Variants in HSDL2 observed in about 807,000 individuals in gnomAD.
The protein encoded by HSDL2 is hydroxysteroid dehydrogenase-like protein 2.
In HSDL2, 27 loss-of-function variants were observed where a neutral mutation model predicts 46.3. The observed-to-expected ratio is 0.58, with a 90% confidence interval of 0.43 to 0.80. HSDL2 has a LOEUF of 0.80. Among genes scored for constraint, HSDL2 ranks in the 30% least tolerant of loss-of-function variants. HSDL2 has a pLI of 0.00. For missense variants in HSDL2, 451 were observed against 502.7 expected, an observed-to-expected ratio of 0.90 and a Z score of 0.98; for synonymous variants, 153 against 163.6, an observed-to-expected ratio of 0.94 and a Z score of 0.50.
chr9:112,412,760 A>C (rs1402401297), intron 4 of HSDL2, among the ~76,000 whole-genome samples: 1 of 152,172 alleles, frequency 6.6e-6, no homozygotes, highest in Admixed American at 6.5e-5. Flanking sequence ...TCATTTTTCA[A>C]AAATGAAAGT....
chr9:112,395,849 C>G (rs1314018239), intron 1 of HSDL2, among the ~76,000 whole-genome samples: 1 of 152,156 alleles, frequency 6.6e-6, no homozygotes, highest in African/African-American at 2.4e-5. Flanking sequence ...TGTAACTGTT[C>G]AGAAACCAAT....
At position 112,460,357 on chromosome 9, in the gene HSDL2, G is replaced by A. The variant is rs575425814; in HGVS notation, c.1144+780G>A. Among the ~76,000 whole-genome samples the A allele has an allele frequency of 1.3e-5, 2 of 152,306 alleles. 1 individual carries two copies. Among genetic ancestry groups the A allele is most frequent in the South Asian group, 4.1e-4 (2 of 4,826 alleles). ...TTCTAATTCAGGATGCTAATTGCCTGCATTCCATCTGAGTCAATCTGTATA... is the reference window on the plus strand; with the variant it reads ...TTCTAATTCAGGATGCTAATTGCCTACATTCCATCTGAGTCAATCTGTATA... On this transcript the variant is annotated intron_variant, in intron 10 of 10. Coordinates refer to ENST00000398805, the MANE Select transcript of HSDL2 (RefSeq NM_032303.5).
chr9:112,470,316 A>C, intron 10 of HSDL2, 116 bp from the exon 11 acceptor site: 1 of 532,956 alleles, frequency 1.9e-6, no homozygotes, highest in Non-Finnish European at 3.3e-6. Context: ...AGAAATTTCT[A>C]TGCTTCTGAG....
chr9:112,466,548 CAAA>C (rs768771507), intron 10 of HSDL2, among the ~76,000 whole-genome samples: 2 of 21,450 alleles, frequency 9.3e-5, no homozygotes, highest in African/African-American at 2.4e-4. Flanking sequence ...GAGACTGTCT[CAAA>C]AAAAAAAAAA....
intron 6 of HSDL2, among the ~76,000 whole-genome samples, chr9:112,423,933 C>T (rs1433455196): frequency 5.9e-5 from 9 of 151,276 alleles, no homozygotes; most frequent in African/African-American, 2.2e-4. Context: ...AGGCTGGTCT[C>T]GAACTCCTGA....
At chr9:112,392,379 A>G (rs1269282914) in intron 1 of HSDL2, among the ~76,000 whole-genome samples, 1 of 152,108 alleles carries the variant, frequency 6.6e-6, no homozygotes. Flanking sequence ...GTTGACCACA[A>G]ATTTACCAGG....
At position 112,457,260 on chromosome 9, in the gene HSDL2, T is replaced by G. The variant is rs532720662; in HGVS notation, c.1016-2189T>G. On this transcript the variant is annotated intron_variant, in intron 9 of 10. Transcript: ENST00000398805. ...AAAATAAAGTTCACAGCAGCAGGATTATACTTTGGTTGTCACAAAGAGAAG... is the reference window on the plus strand; with the variant it reads ...AAAATAAAGTTCACAGCAGCAGGATGATACTTTGGTTGTCACAAAGAGAAG... Among the ~76,000 whole-genome samples, 6 of 152,266 alleles carry G rather than the reference T, an allele frequency of 3.9e-5. No individual in the cohort carries two copies. In the East Asian group the frequency reaches 9.7e-4, roughly 24 times the overall value.
chr9:112,404,867 A>G (rs868359200), intron 2 of HSDL2, among the ~76,000 whole-genome samples: 18 of 152,226 alleles, frequency 1.2e-4, no homozygotes, highest in South Asian at 4.1e-4. Flanking sequence ...TGAAGTGTTT[A>G]TGAGTGAAAT....
intron 4 of HSDL2, among the ~76,000 whole-genome samples, chr9:112,409,226 G>A (rs375575111): frequency 1.3e-5 from 2 of 152,002 alleles, no homozygotes; most frequent in East Asian, 1.9e-4. Context: ...TTTCATTCTT[G>A]TTGCCCAGGC....
intron 3 of HSDL2, 88 bp downstream of exon 3, chr9:112,405,810 T>C: frequency 3.7e-6 from 3 of 802,914 alleles, no homozygotes; most frequent in Admixed American, 4.9e-5. Context: ...TTTTGAGTTT[T>C]GAATTTTCTG....
intron 4 of HSDL2, among the ~76,000 whole-genome samples, chr9:112,415,406 T>C (rs548374736): frequency 2.6e-5 from 4 of 152,174 alleles, no homozygotes; most frequent in Non-Finnish European, 5.9e-5. Flanking sequence ...TGGTCAATCA[T>C]AGAAGGTAGT....
chr9:112,448,971 T>TA (rs1278584850), intron 8 of HSDL2, among the ~76,000 whole-genome samples: 1 of 149,660 alleles, frequency 6.7e-6, no homozygotes, highest in African/African-American at 2.5e-5. Flanking sequence ...TTTTAAAAAA[T>TA]AAAAACCCAA....
At chr9:112,442,268 CAAAAAAAAA>C (rs71382431) in intron 8 of HSDL2, among the ~76,000 whole-genome samples, 21 of 47,458 alleles carry the variant, frequency 4.4e-4, no homozygotes, top group African/African-American at 1.3e-3. Context: ...GACCCTGTCT[CAAAAAAAAA>C]AAAAAAAAAA....
chr9:112,390,401 CCTTA>C (rs1203006917), intron 1 of HSDL2, among the ~76,000 whole-genome samples: 9 of 152,060 alleles, frequency 5.9e-5, no homozygotes, highest in South Asian at 2.1e-4. Flanking sequence ...TGTATTAGTC[CCTTA>C]CTTCAGTTCA....
intron 2 of HSDL2, among the ~76,000 whole-genome samples, chr9:112,404,967 G>A (rs961245133): frequency 2.0e-5 from 3 of 152,236 alleles, no homozygotes; most frequent in African/African-American, 4.8e-5. Flanking sequence ...ACTAACAATC[G>A]TTGAAGATAG....
chr9:112,430,303 T>C (rs1587950649), intron 6 of HSDL2, among the ~76,000 whole-genome samples: 1 of 151,886 alleles, frequency 6.6e-6, no homozygotes. Flanking sequence ...AGTGGATAGG[T>C]CCTGTGGACT....
chr9:112,380,203 G>T (rs1434861884), intron 1 of HSDL2, 23 bp downstream of exon 1: 2 of 1,556,742 alleles, frequency 1.3e-6, no homozygotes. Flanking sequence ...GGGCGGCGCG[G>T]GGAGAGACCC....
intron 10 of HSDL2, among the ~76,000 whole-genome samples, chr9:112,466,154 C>G (rs1299196475): frequency 6.6e-6 from 1 of 152,180 alleles, no homozygotes; most frequent in Non-Finnish European, 1.5e-5. Context: ...CAAATGATAT[C>G]ATACTTTTTT....
At chr9:112,403,572 A>G (rs1831655825) in intron 1 of HSDL2, among the ~76,000 whole-genome samples, 1 of 152,174 alleles carries the variant, frequency 6.6e-6, no homozygotes, top group South Asian at 2.1e-4. Context: ...AGTGGTATGT[A>G]GTCATTGTGG....
Sources: allele counts gnomAD v4.1 joint callset (sites outside exome capture counted in the v4.1 genomes callset), GRCh38; gene constraint gnomAD v4.1.1; transcripts MANE v1.5; gene names NCBI Gene and HGNC (gene_info 2026-07-23, HGNC 2026-07-21).